The following SPAG16 variants were observed in gnomAD, a reference collection of about 807,000 sequenced individuals.
SPAG16 encodes the protein sperm-associated antigen 16 protein.
In SPAG16, 86 loss-of-function variants were observed where a neutral mutation model predicts 80.4. That is an observed-to-expected ratio of 1.07 (90% CI 0.90 to 1.28). The LOEUF is 1.28. Ranked by LOEUF, SPAG16 falls within the 50% of genes most tolerant of loss-of-function variation. The pLI is 0.00. For synonymous variants in SPAG16, 294 were observed against 265.9 expected, an observed-to-expected ratio of 1.11 and a Z score of -1.03; for missense variants, 870 against 765.3, an observed-to-expected ratio of 1.14 and a Z score of -1.61.
intron 9 of SPAG16, among the ~76,000 whole-genome samples, chr2:213,404,917 A>G (rs185762091): frequency 6.6e-6 from 1 of 152,180 alleles, no homozygotes; most frequent in Admixed American, 6.5e-5. Context: ...AACCATTTCT[A>G]GGATTATGCT....
intron 15 of SPAG16, among the ~76,000 whole-genome samples, chr2:214,402,385 C>A (rs1450472635): frequency 1.3e-5 from 2 of 151,906 alleles, no homozygotes; most frequent in Non-Finnish European, 2.9e-5. Flanking sequence ...CTCTCTCTAC[C>A]TTAGAAGATT....
At chr2:213,533,989 T>C (rs2076158597) in intron 10 of SPAG16, among the ~76,000 whole-genome samples, 1 of 152,122 alleles carries the variant, frequency 6.6e-6, no homozygotes, top group African/African-American at 2.4e-5. Flanking sequence ...CCTCCTATTG[T>C]TGCATATTTA....
chr2:213,730,087 G>T (rs1319735637), intron 10 of SPAG16, among the ~76,000 whole-genome samples: 1 of 152,174 alleles, frequency 6.6e-6, no homozygotes, highest in Non-Finnish European at 1.5e-5. Context: ...AGGTCTCTCA[G>T]AAATATCCAG....
At chr2:213,927,663 A>G (rs1575573913) in intron 11 of SPAG16, among the ~76,000 whole-genome samples, 1 of 152,316 alleles carries the variant, frequency 6.6e-6, no homozygotes, top group Middle Eastern at 3.4e-3. Context: ...ACTCACAAAG[A>G]AATAATACTG....
At chr2:214,347,236 G>A (rs967961324) in intron 15 of SPAG16, among the ~76,000 whole-genome samples, 2 of 152,128 alleles carry the variant, frequency 1.3e-5, no homozygotes, top group African/African-American at 2.4e-5. Flanking sequence ...TAAACTTAAT[G>A]GTCTAGCTAA....
chr2:214,363,081 A>T (rs1372805987), intron 15 of SPAG16, among the ~76,000 whole-genome samples: 1 of 151,740 alleles, frequency 6.6e-6, no homozygotes, highest in Non-Finnish European at 1.5e-5. Context: ...CTATTACTTT[A>T]ATCTCTACCT....
chr2:213,412,014 CCTTTTA>C (rs1256875440), intron 9 of SPAG16, among the ~76,000 whole-genome samples: 1 of 152,132 alleles, frequency 6.6e-6, no homozygotes, highest in East Asian at 1.9e-4. Context: ...CAATTCTTTG[CCTTTTA>C]CTTGTAAACT....
At chr2:213,462,267 A>G (rs185984456) in intron 9 of SPAG16, among the ~76,000 whole-genome samples, 1 of 152,324 alleles carries the variant, frequency 6.6e-6, no homozygotes, top group East Asian at 1.9e-4. Flanking sequence ...AGCCCACATA[A>G]CTATGCAGAC....
intron 14 of SPAG16, among the ~76,000 whole-genome samples, chr2:214,141,466 CA>C (rs150033050): frequency 0.19 from 25,439 of 136,736 alleles, 2,200 homozygotes; most frequent in South Asian, 0.25. Context: ...GACTCGGCCT[CA>C]AAAAAAAAAA....
At chr2:213,585,933 CCTT>C (rs1224053636) in intron 10 of SPAG16, among the ~76,000 whole-genome samples, 3 of 152,106 alleles carry the variant, frequency 2.0e-5, no homozygotes, top group Non-Finnish European at 4.4e-5. Flanking sequence ...TTACCCTCCT[CCTT>C]CTTTTTTTTT....
chr2:213,833,511 TA>T (rs1559506168), intron 10 of SPAG16, among the ~76,000 whole-genome samples: 281 of 3,000 alleles, frequency 0.094, 80 homozygotes, highest in East Asian at 0.16. Context: ...ATATTATATA[TA>T]ATATATATAA....
At chr2:213,608,088 G>T (rs1028221015) in intron 10 of SPAG16, among the ~76,000 whole-genome samples, 7 of 152,242 alleles carry the variant, frequency 4.6e-5, no homozygotes, top group Admixed American at 4.6e-4. Flanking sequence ...TTCTGGTTTT[G>T]TTTTTTCTGA....
intron 10 of SPAG16, among the ~76,000 whole-genome samples, chr2:213,827,137 A>G (rs1033267814): frequency 6.6e-6 from 1 of 151,848 alleles, no homozygotes; most frequent in Non-Finnish European, 1.5e-5. Flanking sequence ...TTTCTCATCA[A>G]TTTAGCCACT....
At chr2:213,678,248 C>G (rs6435785) in intron 10 of SPAG16, among the ~76,000 whole-genome samples, 1 of 151,732 alleles carries the variant, frequency 6.6e-6, no homozygotes, top group Admixed American at 6.6e-5. Flanking sequence ...AGCCAGCAGA[C>G]GGCAAGAAAT....
chr2:213,415,511 GGGCACAGGTT>G (rs1386093488), intron 9 of SPAG16, among the ~76,000 whole-genome samples: 8 of 152,196 alleles, frequency 5.3e-5, no homozygotes, highest in Non-Finnish European at 1.0e-4. Flanking sequence ...GGTGAGAGAT[GGGCACAGGTT>G]GGCTAAGAAA....
In SPAG16 at chr2:213,811,495, A is replaced by G. The variant is rs955469775; in HGVS notation, c.1071-50990A>G. ...GCTGGCAGGATGGTGAGGAGAGCCA[A>G]TGGTCTCATTTAATGAAATTGGAAG... is the stretch of plus-strand genomic sequence containing the variant. On this transcript the variant is annotated intron_variant, in intron 10 of 15. Coordinates refer to ENST00000331683, the MANE Select transcript of SPAG16 (RefSeq NM_024532.5). 2.6e-5 allele frequency among the ~76,000 whole-genome samples: 4 copies of G among 152,202 alleles called. No individual in the cohort carries two copies. In the South Asian group the frequency reaches 6.2e-4, roughly 24 times the overall value.
At chr2:214,139,321 C>A (rs2055227316) in intron 14 of SPAG16, among the ~76,000 whole-genome samples, 1 of 151,808 alleles carries the variant, frequency 6.6e-6, no homozygotes, top group Non-Finnish European at 1.5e-5. Context: ...TTTAATTATC[C>A]CCTTTTCCCT....
chr2:213,608,551 A>G (rs1447680671), intron 10 of SPAG16, among the ~76,000 whole-genome samples: 1 of 152,102 alleles, frequency 6.6e-6, no homozygotes, highest in East Asian at 1.9e-4. Flanking sequence ...TATATGCCAC[A>G]TTTTCTTAAT....
chr2:213,362,878 C>T (rs2066063513), intron 7 of SPAG16, among the ~76,000 whole-genome samples: 1 of 152,084 alleles, frequency 6.6e-6, no homozygotes, highest in Non-Finnish European at 1.5e-5. Context: ...GAGAGATCTG[C>T]CTCCATGACC....
Sources: gnomAD v4.1 joint callset for allele counts (sites outside exome capture counted in the v4.1 genomes callset) on GRCh38, gnomAD v4.1.1 for gene constraint, MANE v1.5 for transcripts, NCBI Gene and HGNC (gene_info 2026-07-23, HGNC 2026-07-21) for gene names.